Variants in FMO4 observed in about 807,000 individuals in gnomAD.
FMO4 encodes the protein flavin containing dimethylaniline monoxygenase 4.
A neutral mutation model predicts 43.3 loss-of-function variants in FMO4; 38 were observed. The ratio of observed to expected loss-of-function variants is 0.88; its 90% CI spans 0.68 to 1.15. FMO4 has a LOEUF of 1.15. FMO4 is among the 50% of genes most tolerant of loss of function. The pLI is 0.00. For missense variants in FMO4, 631 were observed against 663.3 expected (o/e 0.95, Z 0.54); for synonymous variants, 224 against 232.2 (o/e 0.96, Z 0.32).
chr1:171,329,633 G>T (rs758343235), intron 5 of FMO4, among the ~76,000 whole-genome samples: 1 of 152,150 alleles, frequency 6.6e-6, no homozygotes, highest in Non-Finnish European at 1.5e-5. Flanking sequence ...CAAACATGAA[G>T]GTCTCGCTCA....
At chr1:171,318,027 G>C (rs1294007532) in intron 2 of FMO4, among the ~76,000 whole-genome samples, 1 of 152,006 alleles carries the variant, frequency 6.6e-6, no homozygotes, top group Non-Finnish European at 1.5e-5. Context: ...CAAAATACTT[G>C]GGACCAGGCC....
intron 6 of FMO4, among the ~76,000 whole-genome samples, 168 bp from the exon 7 acceptor site, chr1:171,332,540 CA>C (rs1229113066): frequency 6.6e-6 from 1 of 152,014 alleles, no homozygotes; most frequent in Non-Finnish European, 1.5e-5. Context: ...ATTTTGAGAA[CA>C]ATGACAGCAA....
chr1:171,324,254 C>A lies in FMO4; in HGVS notation c.438C>A (p.Cys146Ter). ...CTGTCTTTGATGCTGTTATGGTTTGCACTGGACATTTCCTGAATCCCCATT... is the reference window on the plus strand; with the variant it reads ...CTGTCTTTGATGCTGTTATGGTTTGAACTGGACATTTCCTGAATCCCCATT... The part of the protein sequence containing the change: ...NRAVFDAVMV[C>*]TGHFLNPHLP... The change falls in exon 5 of 10, where the codon TGC becomes TGA. Residue 146 changes from cysteine (C) to a stop codon, truncating the protein, a stop_gained. Transcript: ENST00000367749. LOFTEE classifies it high-confidence loss of function. 1 of 1,612,502 alleles carries A rather than the reference C, an allele frequency of 6.2e-7. No homozygotes were observed. Among genetic ancestry groups the A allele is most frequent in the Non-Finnish European group, 8.5e-7 (1 of 1,179,256 alleles).
chr1:171,324,385 C>A, intron 5 of FMO4, 85 bp downstream of exon 5: 1 of 1,064,128 alleles, frequency 9.4e-7, no homozygotes, highest in Non-Finnish European at 1.4e-6. Context: ...GAAATACCGC[C>A]CCATGATTAT....
chr1:171,314,268 G>T lies in FMO4; in HGVS notation c.-296G>T, dbSNP rs894956611. On this transcript the variant is annotated 5_prime_UTR_variant, in exon 1 of 10. Coordinates refer to ENST00000367749, the MANE Select transcript of FMO4 (RefSeq NM_002022.3). ...GAATGGCTTTTGTTTTAAACTGAGG[G>T]CACTTTTACAAAAGTCATCTTTCCA... The T allele has an allele frequency of 2.6e-5, 4 of 151,840 alleles. No individual in the cohort carries two copies. The highest frequency in any genetic ancestry group is 9.7e-5 in the African/African-American group (4 of 41,310). The allele number at this position is 151,840 out of a possible 1,614,324, so 9.4% of individuals were successfully genotyped here. A position where few individuals can be genotyped will look rare whatever the true frequency, so the allele number is the denominator to read the frequency against.
At chr1:171,328,720 A>C (rs1662775829) in intron 5 of FMO4, among the ~76,000 whole-genome samples, 1 of 151,890 alleles carries the variant, frequency 6.6e-6, no homozygotes, top group Non-Finnish European at 1.5e-5. Context: ...CCTTAGACCT[A>C]GCATAGTACC....
chr1:171,320,125 G>A (rs1199715076), intron 3 of FMO4, among the ~76,000 whole-genome samples, 168 bp downstream of exon 3: 1 of 152,216 alleles, frequency 6.6e-6, no homozygotes, highest in East Asian at 1.9e-4. Context: ...AGTCTGATTG[G>A]TGAGGAATCT....
At chr1:171,318,615 T>C (rs1402287028) in intron 2 of FMO4, among the ~76,000 whole-genome samples, 1 of 152,238 alleles carries the variant, frequency 6.6e-6, no homozygotes, top group African/African-American at 2.4e-5. Flanking sequence ...CTAGTGAGCA[T>C]TTCTTTTGAA....
chr1:171,328,206 A>C (rs937815332), intron 5 of FMO4, among the ~76,000 whole-genome samples: 1 of 152,058 alleles, frequency 6.6e-6, no homozygotes, highest in Admixed American at 6.5e-5. Context: ...ACACCCAGAT[A>C]ATTTTTTTGT....
rs1309311953 is a variant in FMO4 at position 171,331,671 on chromosome 1, T to TG, written c.516_517insG (p.Ser173GlufsTer43). ...ATAAGTTTAAAGGTCAGATCCTGCATAGTCAAGAGTACAAGATCCCAGAAG... is the reference window on the plus strand; with the variant it reads ...ATAAGTTTAAAGGTCAGATCCTGCATGAGTCAAGAGTACAAGATCCCAGAAG... On this transcript the variant is annotated frameshift_variant, in exon 6 of 10. Transcript: ENST00000367749. LOFTEE classifies it high-confidence loss of function. The TG allele has an allele frequency of 6.2e-7, 1 of 1,613,932 alleles. No homozygotes were observed. The highest frequency in any genetic ancestry group is 8.5e-7 in the Non-Finnish European group (1 of 1,179,836).
chr1:171,319,608 C>T (rs900271595), intron 2 of FMO4, among the ~76,000 whole-genome samples: 1 of 151,982 alleles, frequency 6.6e-6, no homozygotes, highest in African/African-American at 2.4e-5. Context: ...GATAGTTAGC[C>T]CAAGATCACA....
chr1:171,321,512 T>C (rs1425433463), intron 3 of FMO4, among the ~76,000 whole-genome samples: 2 of 152,176 alleles, frequency 1.3e-5, no homozygotes, highest in African/African-American at 4.8e-5. Context: ...AAATGCTATA[T>C]AAATAGCTGT....
chr1:171,318,920 A>T (rs1662299731), intron 2 of FMO4, among the ~76,000 whole-genome samples: 1 of 152,228 alleles, frequency 6.6e-6, no homozygotes, highest in Non-Finnish European at 1.5e-5. Flanking sequence ...GAGCATGCAG[A>T]CAGGCAGGTG....
intron 7 of FMO4, 56 bp downstream of exon 7, chr1:171,332,964 T>G: frequency 2.4e-6 from 2 of 831,440 alleles, no homozygotes; most frequent in Non-Finnish European, 4.0e-6. Flanking sequence ...TATCATTACA[T>G]TTTATTCAGA....
intron 4 of FMO4, among the ~76,000 whole-genome samples, chr1:171,323,591 G>A (rs918425324): frequency 6.6e-6 from 1 of 152,132 alleles, no homozygotes; most frequent in African/African-American, 2.4e-5. Flanking sequence ...TTGAACCTGG[G>A]AGGCAGAGGT....
chr1:171,331,049 A>T (rs1197625194), intron 5 of FMO4, among the ~76,000 whole-genome samples: 1 of 152,224 alleles, frequency 6.6e-6, no homozygotes, highest in East Asian at 1.9e-4. Flanking sequence ...CTTACCACAG[A>T]ATCTCCCCTG....
intron 5 of FMO4, 69 bp downstream of exon 5, chr1:171,324,369 C>CA: frequency 7.8e-7 from 1 of 1,284,842 alleles, no homozygotes; most frequent in Non-Finnish European, 1.1e-6. Flanking sequence ...TATTGATTTG[C>CA]AGTTGGAAAT....
chr1:171,325,661 T>G (rs1202641149), intron 5 of FMO4, among the ~76,000 whole-genome samples: 1 of 151,960 alleles, frequency 6.6e-6, no homozygotes, highest in African/African-American at 2.4e-5. Flanking sequence ...TGTACAGTAC[T>G]AAAGGAATAT....
At chr1:171,318,227 G>T (rs1181483662) in intron 2 of FMO4, among the ~76,000 whole-genome samples, 1 of 152,106 alleles carries the variant, frequency 6.6e-6, no homozygotes, top group Non-Finnish European at 1.5e-5. Flanking sequence ...TGAGGCATAA[G>T]AATCACTTGA....
Sources: gnomAD v4.1 joint callset for allele counts (sites outside exome capture counted in the v4.1 genomes callset) on GRCh38, gnomAD v4.1.1 for gene constraint, MANE v1.5 for transcripts, NCBI Gene and HGNC (gene_info 2026-07-23, HGNC 2026-07-21) for gene names.